The following PNMA6E variants were observed in gnomAD, a reference collection of about 807,000 sequenced individuals.
PNMA6E encodes the protein PNMA family member 6E, also known as paraneoplastic antigen Ma6E.
For missense variants in PNMA6E, 78 were observed against 50.8 expected, an observed-to-expected ratio of 1.53 and a Z score of -1.63; for synonymous variants, 43 against 17.1, an observed-to-expected ratio of 2.52 and a Z score of -3.74.
In PNMA6E at chrX:153,397,997, C is replaced by G. The variant is rs2088821351; in HGVS notation, c.853G>C (p.Glu285Gln). 2.3e-6 allele frequency: 1 copy of G among 438,521 alleles called. No individual in the cohort carries two copies. Among genetic ancestry groups the G allele is most frequent in the African/African-American group, 2.5e-5 (1 of 39,253 alleles). The allele number at this position is 438,521 out of a possible 1,213,427, so 36.1% of individuals were successfully genotyped here. Residue 285 changes from glutamate (E) to glutamine (Q), a missense_variant, in exon 2 of 2, where the codon GAG becomes CAG. Physicochemically the swap from Glu to Gln is conservative, Grantham distance 29. Coordinates refer to ENST00000445091, the MANE Select transcript of PNMA6E (RefSeq NM_001367770.1). The part of the protein sequence containing the change: ...GAVGEAGAAG[E>Q]AGAVGEAGGT... The stretch of plus-strand genomic sequence containing the variant: ...CCTGCTTCACCCACAGCTCCTGCCT[C>G]ACCTGCAGCTCCTGCCTCACCCACA...
upstream of PNMA6E, among the ~76,000 whole-genome samples, chrX:153,405,263 C>T (rs782403152): frequency 8.9e-6 from 1 of 112,452 alleles, no homozygotes; most frequent in Non-Finnish European, 1.9e-5. Context: ...CCTCTCCAAC[C>T]CATCCTCTCA....
At chrX:153,408,508 T>C in the PNMA6E span, among the ~76,000 whole-genome samples, 1 of 112,367 alleles carries the variant, frequency 8.9e-6, no homozygotes. Flanking sequence ...CACGCAGTAC[T>C]CCGACCCTTC....
chrX:153,410,028 A>G, the PNMA6E span, among the ~76,000 whole-genome samples: 5 of 111,886 alleles, frequency 4.5e-5, no homozygotes, highest in African/African-American at 1.6e-4. Flanking sequence ...GCTTGGCTTC[A>G]GCCAACAGGA....
the PNMA6E span, among the ~76,000 whole-genome samples, chrX:153,413,273 A>G: frequency 9.7e-6 from 1 of 103,081 alleles, no homozygotes; most frequent in Non-Finnish European, 2.0e-5. Context: ...TTTTTCTGGG[A>G]ATATCTCCCC....
At chrX:153,406,836 T>C in the PNMA6E span, among the ~76,000 whole-genome samples, 1 of 112,238 alleles carries the variant, frequency 8.9e-6, no homozygotes, top group Non-Finnish European at 1.9e-5. Context: ...ATAACTAGCC[T>C]AGATGACATC....
chrX:153,399,595 G>A (rs782744437), intron 1 of PNMA6E, among the ~76,000 whole-genome samples: 8 of 111,262 alleles, frequency 7.2e-5, no homozygotes, highest in Non-Finnish European at 1.1e-4. Context: ...CAATCCTCCC[G>A]CCTCAGCCTC....
At position 153,397,520 on chromosome X, in the gene PNMA6E, G is replaced by A; in HGVS notation, c.1330C>T (p.Pro444Ser). 1 of 298,686 alleles carries A rather than the reference G, an allele frequency of 3.3e-6. No individual in the cohort carries two copies. Among genetic ancestry groups the A allele is most frequent in the Admixed American group, 6.0e-5 (1 of 16,675 alleles). The allele number at this position is 298,686 out of a possible 1,213,427, so 24.6% of individuals were successfully genotyped here. ...AGTCGCAGGTAATTGGCCAAGGCTG[G>A]GCAGACGGCCCCCTTCTCCACAGCC... ...QRAVEKGAVC[P>S]ALANYLRLQQ... Residue 444 changes from proline to serine, a missense_variant, in exon 2 of 2, where the codon CCA (proline) becomes TCA (serine). By Grantham distance (74) the Pro-to-Ser change is moderately conservative (BLOSUM62 -1). Coordinates refer to ENST00000445091, the MANE Select transcript of PNMA6E (RefSeq NM_001367770.1).
At chrX:153,409,431 G>A in the PNMA6E span, among the ~76,000 whole-genome samples, 3 of 113,233 alleles carry the variant, frequency 2.6e-5, no homozygotes, top group Non-Finnish European at 3.7e-5. Context: ...AGAGAGGGCC[G>A]TGTGAGGACC....
the PNMA6E span, among the ~76,000 whole-genome samples, chrX:153,411,301 G>A: frequency 8.9e-6 from 1 of 112,931 alleles, no homozygotes; most frequent in Non-Finnish European, 1.9e-5. Flanking sequence ...TTCGACCCCA[G>A]CCTTCAGAGC....
chrX:153,411,563 A>T, the PNMA6E span, among the ~76,000 whole-genome samples: 1 of 112,605 alleles, frequency 8.9e-6, no homozygotes. Flanking sequence ...AGTCGAGACA[A>T]GCCCAGGAGC....
the PNMA6E span, among the ~76,000 whole-genome samples, chrX:153,413,576 G>A: frequency 9.1e-6 from 1 of 110,009 alleles, no homozygotes; most frequent in Non-Finnish European, 1.9e-5. Flanking sequence ...ATTCTCACCT[G>A]TGTGCCCGAT....
chrX:153,400,923 C>T (rs1392736623), intron 1 of PNMA6E, among the ~76,000 whole-genome samples: 6 of 108,765 alleles, frequency 5.5e-5, no homozygotes, highest in African/African-American at 6.7e-5. Context: ...TCTTCTACCC[C>T]GCGTGCTTGG....
At chrX:153,399,191 C>CTT (rs782229276) in intron 1 of PNMA6E, among the ~76,000 whole-genome samples, 1 of 112,286 alleles carries the variant, frequency 8.9e-6, no homozygotes, top group African/African-American at 3.2e-5. Flanking sequence ...GTTTTCAAAA[C>CTT]TTTTGATAAA....
upstream of PNMA6E, among the ~76,000 whole-genome samples, chrX:153,402,065 C>T (rs781791464): frequency 2.7e-4 from 30 of 110,451 alleles, no homozygotes; most frequent in East Asian, 1.4e-3. Flanking sequence ...CCTTGTGATC[C>T]GCCCGCCTCG....
chrX:153,400,148 G>C (rs1160804504), intron 1 of PNMA6E, among the ~76,000 whole-genome samples: 1 of 112,493 alleles, frequency 8.9e-6, no homozygotes, highest in Admixed American at 9.3e-5. Flanking sequence ...TCATGAATCC[G>C]TATTTTCTAC....
chrX:153,400,110 A>G (rs1556971005), intron 1 of PNMA6E, among the ~76,000 whole-genome samples: 1 of 112,719 alleles, frequency 8.9e-6, no homozygotes, highest in East Asian at 2.8e-4. Context: ...CATATGGTCT[A>G]TCTAAGTGAA....
At chrX:153,407,086 A>C in the PNMA6E span, among the ~76,000 whole-genome samples, 1 of 112,663 alleles carries the variant, frequency 8.9e-6, no homozygotes, top group East Asian at 2.8e-4. Flanking sequence ...ATCCAAGTGC[A>C]AATACCAAAA....
At chrX:153,410,557 G>A in the PNMA6E span, among the ~76,000 whole-genome samples, 1 of 112,476 alleles carries the variant, frequency 8.9e-6, no homozygotes, top group African/African-American at 3.2e-5. Context: ...GCAACCGGAG[G>A]TTCCCTGAGC....
chrX:153,404,134 T>A (rs1032121418), upstream of PNMA6E: 1 of 105,711 alleles, frequency 9.5e-6, no homozygotes, highest in East Asian at 3.1e-4. Context: ...CACGTCACAA[T>A]GCCCAGCTAA....
Sources: gnomAD v4.1 joint callset for allele counts (sites outside exome capture counted in the v4.1 genomes callset) on GRCh38, gnomAD v4.1.1 for gene constraint, MANE v1.5 for transcripts, NCBI Gene and HGNC (gene_info 2026-07-23, HGNC 2026-07-21) for gene names.